DCC: variants seen among roughly 807,000 people sequenced by gnomAD.
DCC encodes the protein netrin receptor DCC.
DCC carries 58 observed loss-of-function variants against 172.5 expected under a neutral mutation model. The observed-to-expected ratio is 0.34, with a 90% CI of 0.27 to 0.42. The LOEUF (loss-of-function observed/expected upper bound fraction) is 0.42. DCC is among the 10% of genes least tolerant of loss of function. The pLI is 1.00. For synonymous variants in DCC, 709 were observed against 644.5 expected (o/e 1.10, Z -1.52); for missense variants, 1,740 against 1,791.0 (o/e 0.97, Z 0.51).
intron 12 of DCC, among the ~76,000 whole-genome samples, chr18:53,262,736 A>G (rs956108245): frequency 2.6e-5 from 4 of 152,218 alleles, no homozygotes; most frequent in Non-Finnish European, 5.9e-5. Context: ...CTGAATTTTG[A>G]AGGAAGATTA....
chr18:53,457,737 A>G (rs73957238), intron 23 of DCC, among the ~76,000 whole-genome samples: 4,622 of 152,248 alleles, frequency 0.03, 250 homozygotes, highest in African/African-American at 0.1. Context: ...AGACACTTAG[A>G]AAATAGGGGT....
intron 7 of DCC, among the ~76,000 whole-genome samples, chr18:53,134,900 T>A (rs1370519758): frequency 1.3e-5 from 2 of 152,084 alleles, no homozygotes; most frequent in Non-Finnish European, 2.9e-5. Context: ...TTCCCTCAAT[T>A]CCTAGCAGCT....
chr18:52,490,526 T>C (rs1028917142), intron 1 of DCC, among the ~76,000 whole-genome samples: 5 of 152,076 alleles, frequency 3.3e-5, no homozygotes, highest in Non-Finnish European at 7.4e-5. Context: ...TTTTAACTAA[T>C]TGGGAGCAGA....
intron 2 of DCC, among the ~76,000 whole-genome samples, chr18:52,897,898 T>C (rs111301222): frequency 7.9e-5 from 12 of 152,356 alleles, no homozygotes; most frequent in Non-Finnish European, 1.2e-4. Flanking sequence ...CAGAGGGATG[T>C]GGCAAGTACA....
intron 1 of DCC, among the ~76,000 whole-genome samples, chr18:52,459,132 A>T (rs1988549408): frequency 6.6e-6 from 1 of 152,156 alleles, no homozygotes; most frequent in South Asian, 2.1e-4. Flanking sequence ...GAATTCTCTG[A>T]TAACTCTCAC....
chr18:52,990,621 AAATT>A (rs1213708130), intron 5 of DCC, among the ~76,000 whole-genome samples: 2 of 151,634 alleles, frequency 1.3e-5, no homozygotes, highest in Admixed American at 1.3e-4. Flanking sequence ...TTGTATAAAT[AAATT>A]ATCAGTTTTT....
intron 7 of DCC, among the ~76,000 whole-genome samples, chr18:53,077,406 T>C (rs2042738442): frequency 6.6e-6 from 1 of 152,120 alleles, no homozygotes; most frequent in African/African-American, 2.4e-5. Context: ...CACCTGGTCA[T>C]AAGTGTGAGT....
chr18:52,700,304 A>T (rs575607378), intron 1 of DCC, among the ~76,000 whole-genome samples: 2 of 132,238 alleles, frequency 1.5e-5, no homozygotes, highest in Non-Finnish European at 1.6e-5. Context: ...ATCCACACAC[A>T]CATGCACACA....
intron 2 of DCC, among the ~76,000 whole-genome samples, chr18:52,838,177 AGC>A (rs1257212161): frequency 4.1e-5 from 5 of 120,890 alleles, no homozygotes. Flanking sequence ...ATTTTGAAGG[AGC>A]ACTCTCTATT....
At chr18:52,493,743 T>A (rs1383760722) in intron 1 of DCC, among the ~76,000 whole-genome samples, 2 of 152,068 alleles carry the variant, frequency 1.3e-5, no homozygotes, top group Non-Finnish European at 2.9e-5. Context: ...ACCTTAGAGA[T>A]ATTAACATGG....
chr18:52,658,677 A>G (rs1598994732), intron 1 of DCC, among the ~76,000 whole-genome samples: 1 of 152,180 alleles, frequency 6.6e-6, no homozygotes, highest in Non-Finnish European at 1.5e-5. Flanking sequence ...CCTTCATTCC[A>G]AGACAAAAAA....
chr18:52,593,555 A>G (rs1326582336), intron 1 of DCC, among the ~76,000 whole-genome samples: 1 of 152,184 alleles, frequency 6.6e-6, no homozygotes, highest in Middle Eastern at 3.2e-3. Context: ...GTGATTAAAT[A>G]TTACTTTCAT....
At chr18:53,066,250 C>A in intron 7 of DCC, 84 bp downstream of exon 7, 2 of 1,311,024 alleles carry the variant, frequency 1.5e-6, no homozygotes, top group Admixed American at 1.7e-5. Flanking sequence ...TTTTTCCTAC[C>A]CCTCAAGGGC....
At chr18:53,511,884 G>A (rs1400332622) in intron 27 of DCC, among the ~76,000 whole-genome samples, 2 of 152,206 alleles carry the variant, frequency 1.3e-5, no homozygotes, top group African/African-American at 4.8e-5. Flanking sequence ...CAGCGAGGCT[G>A]GGGGAGGGGC....
intron 12 of DCC, among the ~76,000 whole-genome samples, chr18:53,230,627 A>G (rs1024424438): frequency 6.6e-6 from 1 of 152,076 alleles, no homozygotes; most frequent in Admixed American, 6.6e-5. Flanking sequence ...TCATCAAAGT[A>G]AGGTGTCTAA....
chr18:52,508,268 GT>G (rs1467432339), intron 1 of DCC, among the ~76,000 whole-genome samples: 1 of 152,222 alleles, frequency 6.6e-6, no homozygotes, highest in African/African-American at 2.4e-5. Flanking sequence ...GGATCTCCTT[GT>G]TTTAGTGTAG....
chr18:52,592,148 G>A (rs969902948), intron 1 of DCC, among the ~76,000 whole-genome samples: 5 of 152,128 alleles, frequency 3.3e-5, no homozygotes, highest in Non-Finnish European at 7.4e-5. Flanking sequence ...CAAAAGTAAA[G>A]AGTTTGTGAT....
At chr18:52,792,300 T>A (rs1212317458) in intron 2 of DCC, among the ~76,000 whole-genome samples, 1 of 152,162 alleles carries the variant, frequency 6.6e-6, no homozygotes, top group African/African-American at 2.4e-5. Flanking sequence ...CAAGATTATT[T>A]CCCTGAATTG....
chr18:53,050,481 A>G (rs1157468574), intron 5 of DCC, among the ~76,000 whole-genome samples: 1 of 151,968 alleles, frequency 6.6e-6, no homozygotes, highest in Non-Finnish European at 1.5e-5. Context: ...TGTTGTAGAG[A>G]TCTTTCACCT....
Sources: allele counts gnomAD v4.1 joint callset (sites outside exome capture counted in the v4.1 genomes callset), GRCh38; gene constraint gnomAD v4.1.1; transcripts MANE v1.5; gene names NCBI Gene and HGNC (gene_info 2026-07-23, HGNC 2026-07-21).